The following NAALADL2 variants were observed in gnomAD, a reference collection of about 807,000 sequenced individuals.
The protein encoded by NAALADL2 is inactive N-acetylated-alpha-linked acidic dipeptidase-like protein 2.
In NAALADL2, 76 loss-of-function variants were observed where a neutral mutation model predicts 87.2. That is an observed-to-expected ratio of 0.87 (90% CI 0.72 to 1.05). The LOEUF (loss-of-function observed/expected upper bound fraction) is 1.05, where lower values mean the gene tolerates loss of function less well. Ranked by LOEUF, NAALADL2 falls within the 50% of genes least tolerant of loss-of-function variation. The pLI is 0.00. For synonymous variants in NAALADL2, 354 were observed against 331.0 expected (o/e 1.07, Z -0.75); for missense variants, 1,089 against 945.8 (o/e 1.15, Z -1.99).
chr3:175,610,612 G>A (rs987133478), intron 10 of NAALADL2, among the ~76,000 whole-genome samples: 3 of 151,874 alleles, frequency 2.0e-5, no homozygotes, highest in Non-Finnish European at 4.4e-5. Flanking sequence ...CAAATATTCT[G>A]GACATTTTTG....
intron 9 of NAALADL2, among the ~76,000 whole-genome samples, chr3:175,482,687 T>G (rs1019578086): frequency 6.6e-6 from 1 of 151,886 alleles, no homozygotes; most frequent in African/African-American, 2.4e-5. Context: ...CCTACTAATT[T>G]TGTTGAGATT....
intron 2 of NAALADL2, among the ~76,000 whole-genome samples, chr3:174,714,085 A>T: frequency 6.6e-6 from 1 of 152,062 alleles, no homozygotes; most frequent in Non-Finnish European, 1.5e-5. Context: ...TGTTTTTGTC[A>T]GGTTTGTCAA....
At chr3:174,598,656 C>CT (rs1718151153) in intron 2 of NAALADL2, among the ~76,000 whole-genome samples, 1 of 151,688 alleles carries the variant, frequency 6.6e-6, no homozygotes, top group African/African-American at 2.4e-5. Flanking sequence ...CTTTTAGTGT[C>CT]TATCAGGTCT....
intron 3 of NAALADL2, among the ~76,000 whole-genome samples, chr3:174,789,421 G>T (rs761801085): frequency 2.5e-4 from 38 of 152,198 alleles, no homozygotes; most frequent in African/African-American, 7.5e-4. Context: ...ACTTGGAAAA[G>T]ATTTTAAATA....
At chr3:174,928,652 A>T (rs1397398226) in intron 1 of NAALADL2, among the ~76,000 whole-genome samples, 1 of 152,230 alleles carries the variant, frequency 6.6e-6, no homozygotes, top group African/African-American at 2.4e-5. Flanking sequence ...TTGCCAAGCA[A>T]ACTGATGATA....
At chr3:175,355,972 G>T (rs1764312344) in intron 5 of NAALADL2, among the ~76,000 whole-genome samples, 1 of 152,128 alleles carries the variant, frequency 6.6e-6, no homozygotes, top group South Asian at 2.1e-4. Context: ...CAAGTAGGGA[G>T]AACATGAGAT....
intron 5 of NAALADL2, among the ~76,000 whole-genome samples, chr3:175,429,183 A>G (rs1717320444): frequency 1.2e-5 from 1 of 84,930 alleles, no homozygotes; most frequent in East Asian, 2.9e-4. Context: ...ATGTACACAC[A>G]CACACACACA....
chr3:174,950,401 A>G (rs1333465753), intron 1 of NAALADL2, among the ~76,000 whole-genome samples: 2 of 152,246 alleles, frequency 1.3e-5, no homozygotes, highest in Non-Finnish European at 2.9e-5. Flanking sequence ...TGACCAATGC[A>G]TTGATTTTCA....
chr3:174,781,710 A>G (rs1716002558), intron 3 of NAALADL2, among the ~76,000 whole-genome samples: 2 of 152,102 alleles, frequency 1.3e-5, no homozygotes, highest in Non-Finnish European at 2.9e-5. Context: ...GAAGTAAAAG[A>G]GTTGATGATA....
chr3:175,552,103 A>G, intron 9 of NAALADL2, among the ~76,000 whole-genome samples: 1 of 147,302 alleles, frequency 6.8e-6, no homozygotes, highest in South Asian at 2.1e-4. Flanking sequence ...TGTAAAATAT[A>G]TAAAACTATG....
At chr3:174,846,237 T>C (rs1724601330) in intron 3 of NAALADL2, among the ~76,000 whole-genome samples, 1 of 152,178 alleles carries the variant, frequency 6.6e-6, no homozygotes, top group Non-Finnish European at 1.5e-5. Flanking sequence ...AATGCTTTGC[T>C]CTCCTCTCTA....
At chr3:174,850,843 G>C (rs1248786052) in intron 3 of NAALADL2, among the ~76,000 whole-genome samples, 1 of 151,998 alleles carries the variant, frequency 6.6e-6, no homozygotes, top group Non-Finnish European at 1.5e-5. Flanking sequence ...CATTCTCAAT[G>C]ATAGACCATA....
At chr3:174,866,720 AT>A (rs911490262) in intron 1 of NAALADL2, among the ~76,000 whole-genome samples, 19 of 151,834 alleles carry the variant, frequency 1.3e-4, no homozygotes, top group African/African-American at 4.6e-4. Flanking sequence ...GGCATTGATA[AT>A]AACGACTTTA....
chr3:175,737,935 A>ATC (rs1436014084), intron 12 of NAALADL2, among the ~76,000 whole-genome samples: 2 of 151,952 alleles, frequency 1.3e-5, no homozygotes, highest in African/African-American at 4.8e-5. Flanking sequence ...GTTTGAATAT[A>ATC]TCTCTCTCAG....
chr3:174,466,326 T>G (rs1193476345), intron 1 of NAALADL2, among the ~76,000 whole-genome samples: 1 of 146,988 alleles, frequency 6.8e-6, no homozygotes, highest in Admixed American at 7.1e-5. Context: ...GTGTATTTTA[T>G]GTGTGGCCCA....
chr3:174,871,999 G>T (rs1225137545), intron 1 of NAALADL2, among the ~76,000 whole-genome samples: 3 of 152,096 alleles, frequency 2.0e-5, no homozygotes, highest in Non-Finnish European at 4.4e-5. Flanking sequence ...ATAGAAATAT[G>T]GGAGCCGAAG....
intron 13 of NAALADL2, among the ~76,000 whole-genome samples, chr3:175,794,025 G>T (rs1753149938): frequency 1.3e-5 from 2 of 152,080 alleles, no homozygotes; most frequent in African/African-American, 4.8e-5. Flanking sequence ...AAATAAAGCT[G>T]AATTACCTAT....
chr3:175,258,613 T>C (rs1308741640), intron 4 of NAALADL2, among the ~76,000 whole-genome samples: 2 of 152,120 alleles, frequency 1.3e-5, no homozygotes, highest in Non-Finnish European at 2.9e-5. Context: ...ATATCTGAGA[T>C]AGAAAAGGTT....
At chr3:174,724,565 A>G (rs529890478) in intron 2 of NAALADL2, among the ~76,000 whole-genome samples, 1 of 152,266 alleles carries the variant, frequency 6.6e-6, no homozygotes, top group Non-Finnish European at 1.5e-5. Context: ...CTCCAAATAG[A>G]AAGGGATTTA....
Sources: allele counts gnomAD v4.1 joint callset (sites outside exome capture counted in the v4.1 genomes callset), GRCh38; gene constraint gnomAD v4.1.1; transcripts MANE v1.5; gene names NCBI Gene and HGNC (gene_info 2026-07-23, HGNC 2026-07-21).